The following ABCA5 variants were observed in gnomAD, a reference collection of about 807,000 sequenced individuals.
ABCA5 encodes cholesterol transporter ABCA5.
ABCA5 carries 163 observed loss-of-function variants against 206.0 expected under a neutral mutation model. That is an observed-to-expected ratio of 0.79 (90% confidence interval 0.70 to 0.90). The LOEUF (loss-of-function observed/expected upper bound fraction) is 0.90, where lower values mean the gene tolerates loss of function less well. ABCA5 is among the 40% of genes least tolerant of loss of function. ABCA5 has a pLI of 0.00. For missense variants in ABCA5, 1,859 were observed against 1,912.9 expected (o/e 0.97, Z 0.53); for synonymous variants, 609 against 613.8 (o/e 0.99, Z 0.11).
At chr17:69,312,395 T>G (rs1014153711) in intron 3 of ABCA5, among the ~76,000 whole-genome samples, 1 of 152,166 alleles carries the variant, frequency 6.6e-6, no homozygotes, top group African/African-American at 2.4e-5. Flanking sequence ...AGATCCCATC[T>G]CTACAAAAAA....
At position 69,264,794 on chromosome 17, in the gene ABCA5, C is replaced by G; in HGVS notation, c.3256G>C (p.Gly1086Arg). ...LFFIILILML[G>R]SLLAFHYGLY... The stretch of plus-strand genomic sequence containing the variant: ...CCATAATGAAATGCCAATAAGCTTC[C>G]TAGCATCAAAATAAGAATGATAAAA... Residue 1086 changes from glycine (G) to arginine (R), a missense_variant, in exon 24 of 39, where the codon GGA (glycine) becomes CGA (arginine). By Grantham distance (125) the Gly-to-Arg change is moderately radical. Transcript: ENST00000392676. 6.3e-7 allele frequency: 1 copy of G among 1,596,086 alleles called. No homozygotes were observed. Among genetic ancestry groups the G allele is most frequent in the Non-Finnish European group, 8.5e-7 (1 of 1,171,620 alleles).
intron 11 of ABCA5, among the ~76,000 whole-genome samples, chr17:69,293,874 G>A (rs865910469): frequency 2.0e-4 from 7 of 35,670 alleles, no homozygotes; most frequent in Admixed American, 6.4e-4. Flanking sequence ...GTGTGTGTGC[G>A]TGTGTGTGTG....
rs1038135787 is a variant in ABCA5, at chr17:69,326,332, A to T, written c.-16+720T>A. Among the ~76,000 whole-genome samples the T allele has an allele frequency of 5.9e-5, 9 of 152,176 alleles. No individual in the cohort carries two copies. Among genetic ancestry groups the T allele is most frequent in the Non-Finnish European group, 1.0e-4 (7 of 68,018 alleles). ...CTTCAGAACGCCCTTGTAGAAAGTAAACGTGGTTATTATCTTCATTATTTT... is the reference window on the plus strand; with the variant it reads ...CTTCAGAACGCCCTTGTAGAAAGTATACGTGGTTATTATCTTCATTATTTT... On this transcript the variant is annotated intron_variant, in intron 1 of 38. Coordinates refer to ENST00000392676, the MANE Select transcript of ABCA5 (RefSeq NM_172232.4). The surrounding 1 kb of genome is among the most constrained non-coding windows in gnomAD (Gnocchi z 4.8).
rs1220858710 is a variant in ABCA5, at chr17:69,270,605, T to C, written c.3030+8A>G. The C allele has an allele frequency of 4.4e-6, 7 of 1,582,736 alleles. No individual in the cohort carries two copies. Among genetic ancestry groups the C allele is most frequent in the Non-Finnish European group, 6.0e-6 (7 of 1,168,946 alleles). On this transcript the variant is annotated splice_region_variant and intron_variant, in intron 22 of 38. Transcript: ENST00000392676. Reference sequence around the variant, plus strand: ...TATGGAAATTTATCTGTATATACATTGGCTTACTTGAAAGAATGGGGTACT... The same window carrying C: ...TATGGAAATTTATCTGTATATACATCGGCTTACTTGAAAGAATGGGGTACT...
At chr17:69,270,783 T>C in intron 21 of ABCA5, 33 bp from the exon 22 acceptor site, 1 of 1,496,472 alleles carries the variant, frequency 6.7e-7, no homozygotes, top group Non-Finnish European at 8.9e-7. Context: ...TATTACATAC[T>C]GTATATAAGC....
At chr17:69,305,471 A>G (rs776549470) in intron 6 of ABCA5, among the ~76,000 whole-genome samples, 31 of 152,328 alleles carry the variant, frequency 2.0e-4, no homozygotes, top group Admixed American at 3.9e-4. Context: ...AATTGAATCC[A>G]TCATTTTACT....
At chr17:69,274,534 T>C (rs2075309333) in intron 19 of ABCA5, among the ~76,000 whole-genome samples, 1 of 150,332 alleles carries the variant, frequency 6.7e-6, no homozygotes, top group Non-Finnish European at 1.5e-5. Flanking sequence ...TACATTGGTA[T>C]AGATTTAAAC....
At chr17:69,318,575 T>TAA (rs551800326) in intron 1 of ABCA5, among the ~76,000 whole-genome samples, 121 of 150,508 alleles carry the variant, frequency 8.0e-4, no homozygotes, top group African/African-American at 2.8e-3. Context: ...ACTTACATAG[T>TAA]AAAAAAAAAG....
At chr17:69,269,760 G>A (rs1027475388) in intron 22 of ABCA5, among the ~76,000 whole-genome samples, 2 of 152,146 alleles carry the variant, frequency 1.3e-5, no homozygotes, top group Admixed American at 1.3e-4. Flanking sequence ...ACTGATACGT[G>A]TTACAAAACA....
intron 10 of ABCA5, among the ~76,000 whole-genome samples, chr17:69,296,221 G>T (rs1417937067): frequency 6.6e-6 from 1 of 151,976 alleles, no homozygotes; most frequent in Non-Finnish European, 1.5e-5. Context: ...TTAAGGAAAT[G>T]ATTTGTTAAT....
In ABCA5 at chr17:69,302,791, T is replaced by C. The variant is rs750243160; in HGVS notation, c.1046A>G (p.Glu349Gly). The C allele has an allele frequency of 3.1e-6, 5 of 1,601,032 alleles. No individual in the cohort carries two copies. In the Admixed American group the frequency reaches 5.4e-5, roughly 17 times the overall value. Residue 349 changes from glutamate (E) to glycine (G), a missense_variant, in exon 8 of 39, where the codon GAA (glutamate) becomes GGA (glycine). Glu to Gly is a moderately conservative substitution (Grantham distance 98). Coordinates refer to ENST00000392676, the MANE Select transcript of ABCA5 (RefSeq NM_172232.4). ...GFIGLMIILI[E>G]SFPKSLVWLF... ...CCACACTAACGATTTGGGAAAACTT[T>C]CTATGAGGATTATCATAAGGCCAAT...
chr17:69,273,847 C>A, intron 20 of ABCA5, 112 bp downstream of exon 20: 2 of 980,152 alleles, frequency 2.0e-6, no homozygotes, highest in Non-Finnish European at 2.9e-6. Flanking sequence ...AGATTTCATG[C>A]AGACAGACCA....
At chr17:69,266,129 G>A (rs1243320301) in intron 23 of ABCA5, among the ~76,000 whole-genome samples, 1 of 151,900 alleles carries the variant, frequency 6.6e-6, no homozygotes, top group Non-Finnish European at 1.5e-5. Flanking sequence ...CAAATAGGAT[G>A]AACTTCAAAA....
At chr17:69,255,508 A>T in intron 31 of ABCA5, 35 bp downstream of exon 31, 1 of 1,234,104 alleles carries the variant, frequency 8.1e-7, no homozygotes, top group Non-Finnish European at 1.1e-6. Context: ...AATATAAATC[A>T]CATTCAACAT....
At chr17:69,289,803 T>G in intron 13 of ABCA5, 59 bp downstream of exon 13, 1 of 1,337,520 alleles carries the variant, frequency 7.5e-7, no homozygotes, top group Non-Finnish European at 1.0e-6. Context: ...GCACAAGTCA[T>G]TACAAAAGGT....
At chr17:69,285,769 A>G (rs1191705317) in intron 17 of ABCA5, 129 bp downstream of exon 17, 1 of 1,006,484 alleles carries the variant, frequency 9.9e-7, no homozygotes, top group African/African-American at 1.7e-5. Context: ...GCAGAAACAG[A>G]ATATTAACTC....
chr17:69,323,280 T>C (rs1303725301), intron 1 of ABCA5, among the ~76,000 whole-genome samples: 1 of 152,196 alleles, frequency 6.6e-6, no homozygotes, highest in African/African-American at 2.4e-5. Context: ...AAATATACCC[T>C]TCCCCCAAAA....
At chr17:69,267,764 T>C (rs907215439) in intron 23 of ABCA5, among the ~76,000 whole-genome samples, 179 bp downstream of exon 23, 5 of 152,098 alleles carry the variant, frequency 3.3e-5, no homozygotes, top group Admixed American at 6.6e-5. Flanking sequence ...ATGTAGCAAG[T>C]CTCAAATAAT....
intron 2 of ABCA5, among the ~76,000 whole-genome samples, chr17:69,313,846 C>T (rs1025946916): frequency 6.6e-6 from 1 of 152,038 alleles, no homozygotes; most frequent in African/African-American, 2.4e-5. Context: ...TGTTTTCATC[C>T]TTTGAAATTA....
Sources: gnomAD v4.1 joint callset for allele counts (sites outside exome capture counted in the v4.1 genomes callset) on GRCh38, gnomAD v4.1.1 for gene constraint, Gnocchi (gnomAD v3.1) non-coding constraint, MANE v1.5 for transcripts, NCBI Gene and HGNC (gene_info 2026-07-23, HGNC 2026-07-21) for gene names.